OSBP2: variants seen among roughly 807,000 people sequenced by gnomAD.
OSBP2 encodes the protein oxysterol-binding protein 2.
A neutral mutation model predicts 96.0 loss-of-function variants in OSBP2; 66 were observed. The ratio of observed to expected loss-of-function variants is 0.69; its 90% CI spans 0.56 to 0.84. The LOEUF is 0.84. Ranked by LOEUF, OSBP2 falls within the 40% of genes least tolerant of loss-of-function variation. The probability of loss-of-function intolerance (pLI) is 0.00; values close to 1 mark genes in which losing one functional copy is unlikely to be tolerated. For synonymous variants in OSBP2, 525 were observed against 520.9 expected, an observed-to-expected ratio of 1.01 and a Z score of -0.11; for missense variants, 1,038 against 1,222.7, an observed-to-expected ratio of 0.85 and a Z score of 2.25.
intron 2 of OSBP2, among the ~76,000 whole-genome samples, chr22:30,757,159 G>A (rs980321532): frequency 2.0e-5 from 3 of 152,034 alleles, no homozygotes; most frequent in Admixed American, 6.6e-5. Flanking sequence ...TCCCAGGGAC[G>A]TCCTTGCTAC....
In OSBP2 at chr22:30,819,977, G is replaced by A. The variant is rs79865296; in HGVS notation, c.854-50452G>A. On this transcript the variant is annotated intron_variant, in intron 2 of 13. Transcript: ENST00000332585. Reference sequence around the variant, plus strand: ...GAGTCCTCCAGATTTCAGATTCCACGATACTCATAATGCCTGGTTAAATAC... The same window carrying A: ...GAGTCCTCCAGATTTCAGATTCCACAATACTCATAATGCCTGGTTAAATAC... Among the ~76,000 whole-genome samples, 1,489 of 152,284 alleles carry A rather than the reference G, an allele frequency of 9.8e-3. 17 individuals carry two copies. Among genetic ancestry groups the A allele is most frequent in the African/African-American group, 0.03 (1,260 of 41,538 alleles).
At chr22:30,768,572 G>A (rs1337684083) in intron 2 of OSBP2, among the ~76,000 whole-genome samples, 3 of 151,998 alleles carry the variant, frequency 2.0e-5, no homozygotes. Flanking sequence ...ACCTACTCGG[G>A]AGGCTGAGGC....
In OSBP2 at chr22:30,695,222, C is replaced by T; in HGVS notation, c.313C>T (p.Arg105Trp). The T allele has an allele frequency of 6.2e-7, 1 of 1,613,174 alleles. No homozygotes were observed. Among genetic ancestry groups the T allele is most frequent in the Middle Eastern group, 1.7e-4 (1 of 6,060 alleles). ...GCCATCGGAACTGCTGCAGGGGTCG[C>T]GGCCGGGGTCAGAGTCAAGCTCAGG... ...GQPSELLQGS[R>W]PGSESSSGVG... is the part of the protein sequence containing the mutation. Residue 105 changes from arginine (R) to tryptophan (W), a missense_variant, in exon 1 of 14, where the codon CGG becomes TGG. By Grantham distance (101) the Arg-to-Trp change is moderately radical. Around this residue, in one of 3 missense-constraint regions of OSBP2, gnomAD observed 281 missense variants for 273.4 expected, o/e 1.03. Transcript: ENST00000332585.
At chr22:30,784,858 C>A (rs1602259784) in intron 2 of OSBP2, among the ~76,000 whole-genome samples, 2 of 151,848 alleles carry the variant, frequency 1.3e-5, no homozygotes, top group East Asian at 3.9e-4. Context: ...CTGCAACCTC[C>A]ACCTCTCAGG....
chr22:30,732,690 C>T (rs2089797577), intron 1 of OSBP2, among the ~76,000 whole-genome samples: 1 of 152,238 alleles, frequency 6.6e-6, no homozygotes, highest in Non-Finnish European at 1.5e-5. Flanking sequence ...AGCAGGGCCA[C>T]TCCTGGACCT....
chr22:30,748,608 A>G (rs2090036515), intron 2 of OSBP2, among the ~76,000 whole-genome samples: 1 of 152,180 alleles, frequency 6.6e-6, no homozygotes, highest in Admixed American at 6.5e-5. Context: ...GTCCTTGCAG[A>G]AGAAGACTGT....
At chr22:30,851,364 A>G in intron 2 of OSBP2, among the ~76,000 whole-genome samples, 1 of 152,108 alleles carries the variant, frequency 6.6e-6, no homozygotes, top group East Asian at 1.9e-4. Flanking sequence ...CCTAAATGGT[A>G]TTATTTTTAA....
chr22:30,903,154 CTT>C (rs1420396452), intron 12 of OSBP2, among the ~76,000 whole-genome samples: 2 of 152,086 alleles, frequency 1.3e-5, no homozygotes, highest in East Asian at 3.9e-4. Flanking sequence ...TTTGCTTTCT[CTT>C]TTTACTTTAG....
In OSBP2 at chr22:30,855,714, G is replaced by A. The variant is rs577341395; in HGVS notation, c.854-14715G>A. ...TCTAGCGCTAGTAGGCCTGGGGCAAGGACACCAGAAAGTTCGCAGCCACAG... is the reference window on the plus strand; with the variant it reads ...TCTAGCGCTAGTAGGCCTGGGGCAAAGACACCAGAAAGTTCGCAGCCACAG... On this transcript the variant is annotated intron_variant, in intron 2 of 13. Transcript: ENST00000332585. Among the ~76,000 whole-genome samples the A allele has an allele frequency of 9.5e-4, 144 of 152,266 alleles. 3 individuals carry two copies. The South Asian group carries it at 0.017, about 18-fold the overall frequency.
At chr22:30,844,657 C>T (rs993944206) in intron 2 of OSBP2, 1 of 152,076 alleles carries the variant, frequency 6.6e-6, no homozygotes, top group African/African-American at 2.4e-5. Flanking sequence ...GATCCTCTAT[C>T]CAGACCACTA....
intron 2 of OSBP2, among the ~76,000 whole-genome samples, chr22:30,796,328 C>G (rs2145833889): frequency 6.6e-6 from 1 of 152,182 alleles, no homozygotes; most frequent in Admixed American, 6.6e-5. Flanking sequence ...ATTTGTTTTT[C>G]TTGCTTTTAC....
At chr22:30,741,456 G>C in intron 2 of OSBP2, 87 bp downstream of exon 2, 2 of 1,167,240 alleles carry the variant, frequency 1.7e-6, no homozygotes, top group Non-Finnish European at 2.4e-6. Context: ...GGTGGGCAGT[G>C]GTGGCCAGGA....
At chr22:30,709,145 A>G (rs190443143) in intron 1 of OSBP2, among the ~76,000 whole-genome samples, 8 of 152,254 alleles carry the variant, frequency 5.3e-5, no homozygotes, top group Non-Finnish European at 1.0e-4. Flanking sequence ...ACAAAAACAT[A>G]TCCACAATAC....
chr22:30,734,669 T>C lies in OSBP2; in HGVS notation c.645-6492T>C, dbSNP rs550634959. ...CCTTTCAGGACTGAGTTTGAAGCCATTGAAAAATTTTTAAAACTGAATAAA... is the reference window on the plus strand; with the variant it reads ...CCTTTCAGGACTGAGTTTGAAGCCACTGAAAAATTTTTAAAACTGAATAAA... On this transcript the variant is annotated intron_variant, in intron 1 of 13. Coordinates refer to ENST00000332585, the MANE Select transcript of OSBP2 (RefSeq NM_030758.4). 1.2e-4 allele frequency among the ~76,000 whole-genome samples: 19 copies of C among 152,264 alleles called. No individual in the cohort carries two copies. The East Asian group carries it at 2.9e-3, about 23-fold the overall frequency.
chr22:30,889,129 G>A (rs372733702), intron 5 of OSBP2, 48 bp from the exon 6 acceptor site: 1 of 1,569,982 alleles, frequency 6.4e-7, no homozygotes, highest in Non-Finnish European at 8.7e-7. Context: ...AGGTCCCAAG[G>A]AGACCTCGGG....
chr22:30,854,206 T>G (rs1414842458), intron 2 of OSBP2, among the ~76,000 whole-genome samples: 1 of 152,212 alleles, frequency 6.6e-6, no homozygotes, highest in Admixed American at 6.5e-5. Flanking sequence ...TGTCCTGTTT[T>G]GCTGTGTCAT....
At chr22:30,750,458 A>G (rs1366103491) in intron 2 of OSBP2, among the ~76,000 whole-genome samples, 1 of 152,130 alleles carries the variant, frequency 6.6e-6, no homozygotes, top group Non-Finnish European at 1.5e-5. Context: ...TTAAAATTCA[A>G]AGGCCCCCCA....
intron 2 of OSBP2, among the ~76,000 whole-genome samples, chr22:30,856,100 G>A (rs1266873259): frequency 1.3e-5 from 2 of 152,182 alleles, no homozygotes; most frequent in Non-Finnish European, 2.9e-5. Context: ...CTGAGGACTG[G>A]GGTAGAAAAA....
At chr22:30,713,370 C>G (rs1483013293) in intron 1 of OSBP2, among the ~76,000 whole-genome samples, 1 of 152,012 alleles carries the variant, frequency 6.6e-6, no homozygotes. Flanking sequence ...GCCACTGCAC[C>G]CAGCTCATTT....
Sources: gnomAD v4.1 joint callset for allele counts (sites outside exome capture counted in the v4.1 genomes callset) on GRCh38, gnomAD v4.1.1 for gene constraint, gnomAD v4.1.1 regional missense constraint, MANE v1.5 for transcripts, NCBI Gene and HGNC (gene_info 2026-07-23, HGNC 2026-07-21) for gene names.